PACRG: variants seen among roughly 807,000 people sequenced by gnomAD.
PACRG encodes parkin coregulated gene protein.
A neutral mutation model predicts 29.7 loss-of-function variants in PACRG; 29 were observed. The ratio of observed to expected loss-of-function variants is 0.98; its 90% CI spans 0.73 to 1.33. The LOEUF is 1.33. Ranked by LOEUF, PACRG falls within the 40% of genes most tolerant of loss-of-function variation. PACRG has a pLI of 0.00. For synonymous variants in PACRG, 116 were observed against 118.7 expected, an observed-to-expected ratio of 0.98 and a Z score of 0.15; for missense variants, 279 against 316.2, an observed-to-expected ratio of 0.88 and a Z score of 0.89.
At chr6:163,207,965 G>C (rs1780976321) in intron 4 of PACRG, among the ~76,000 whole-genome samples, 1 of 152,216 alleles carries the variant, frequency 6.6e-6, no homozygotes, top group South Asian at 2.1e-4. Flanking sequence ...AAGGAGTGGG[G>C]ACTTGGGCAG....
intron 4 of PACRG, among the ~76,000 whole-genome samples, chr6:163,298,467 ACAAT>A (rs1784867072): frequency 6.6e-6 from 1 of 152,210 alleles, no homozygotes; most frequent in Admixed American, 6.5e-5. Context: ...ACCTTTCTGA[ACAAT>A]CAATGTGGCA....
chr6:163,175,308 C>T (rs753598503), intron 4 of PACRG, among the ~76,000 whole-genome samples: 1 of 152,132 alleles, frequency 6.6e-6, no homozygotes, highest in Non-Finnish European at 1.5e-5. Context: ...GTGGAGCCAT[C>T]TGTTTGGGAG....
At chr6:163,264,295 C>T (rs2128176610) in intron 4 of PACRG, among the ~76,000 whole-genome samples, 1 of 152,334 alleles carries the variant, frequency 6.6e-6, no homozygotes, top group South Asian at 2.1e-4. Flanking sequence ...TTCCATCTCA[C>T]AGTACACTTT....
chr6:163,069,874 C>T (rs919049108), intron 3 of PACRG, among the ~76,000 whole-genome samples: 17 of 152,092 alleles, frequency 1.1e-4, no homozygotes, highest in Non-Finnish European at 2.4e-4. Flanking sequence ...AATAATTAAA[C>T]TCCCAAAGGT....
At chr6:162,912,531 C>T (rs754713564) in intron 2 of PACRG, among the ~76,000 whole-genome samples, 1 of 151,216 alleles carries the variant, frequency 6.6e-6, no homozygotes, top group African/African-American at 2.4e-5. Context: ...CACTATGATA[C>T]ATTCATGTAA....
intron 3 of PACRG, among the ~76,000 whole-genome samples, chr6:163,075,897 G>A (rs1812491660): frequency 6.6e-6 from 1 of 152,198 alleles, no homozygotes; most frequent in Non-Finnish European, 1.5e-5. Context: ...TTAGCAGCAA[G>A]GTTCTGTTCA....
At chr6:163,071,586 G>T (rs1812055739) in intron 3 of PACRG, among the ~76,000 whole-genome samples, 1 of 147,584 alleles carries the variant, frequency 6.8e-6, no homozygotes, top group African/African-American at 2.5e-5. Context: ...CATCAAAAAA[G>T]AAAAACTTGA....
intron 4 of PACRG, among the ~76,000 whole-genome samples, chr6:163,120,391 T>C (rs1297006483): frequency 6.6e-6 from 1 of 152,158 alleles, no homozygotes; most frequent in Non-Finnish European, 1.5e-5. Flanking sequence ...TACTCTGTCC[T>C]CAGTGTGTGA....
In PACRG at chr6:163,275,967, C is replaced by CT. The variant is rs941349115; in HGVS notation, c.614-38849dup. Among the ~76,000 whole-genome samples, 1,172 of 146,260 alleles carry CT rather than the reference C, an allele frequency of 8.0e-3. 8 individuals are homozygous for CT. The highest frequency in any genetic ancestry group is 0.014 in the South Asian group (66 of 4,556). On this transcript the variant is annotated intron_variant, in intron 4 of 4. Transcript: ENST00000366888. The stretch of plus-strand genomic sequence containing the variant: ...TCCAGGTGATGTGCGAAGAGTATTG[C>CT]TTTTTTTTTTTATTATTCTCTTTCC...
chr6:162,921,953 C>T (rs888502318), intron 2 of PACRG, among the ~76,000 whole-genome samples: 1 of 152,118 alleles, frequency 6.6e-6, no homozygotes, highest in Non-Finnish European at 1.5e-5. Flanking sequence ...GTTTTGATGA[C>T]GTTGAACTGT....
intron 2 of PACRG, among the ~76,000 whole-genome samples, chr6:162,835,760 G>A (rs927398807): frequency 1.3e-5 from 2 of 152,034 alleles, no homozygotes; most frequent in African/African-American, 4.8e-5. Flanking sequence ...TTGAGGAAAT[G>A]AAAATTAGCT....
At chr6:163,034,086 C>A (rs1294971777) in intron 2 of PACRG, among the ~76,000 whole-genome samples, 1 of 151,886 alleles carries the variant, frequency 6.6e-6, no homozygotes, top group Non-Finnish European at 1.5e-5. Context: ...AGAGAAACAG[C>A]GGAAAAGCAT....
At chr6:163,244,301 T>C (rs1158528794) in intron 4 of PACRG, among the ~76,000 whole-genome samples, 2 of 152,306 alleles carry the variant, frequency 1.3e-5, no homozygotes, top group East Asian at 1.9e-4. Context: ...AGCTGATTGA[T>C]GACGTGTTTC....
At chr6:163,264,677 G>C (rs1034874750) in intron 4 of PACRG, among the ~76,000 whole-genome samples, 8 of 152,128 alleles carry the variant, frequency 5.3e-5, no homozygotes, top group African/African-American at 1.9e-4. Flanking sequence ...ACACGGTGAG[G>C]GCAGAGCTTC....
chr6:163,208,579 A>G (rs1382649678), intron 4 of PACRG, among the ~76,000 whole-genome samples: 1 of 152,230 alleles, frequency 6.6e-6, no homozygotes, highest in Non-Finnish European at 1.5e-5. Context: ...AATTTGGCTA[A>G]GCACACGTTT....
intron 2 of PACRG, among the ~76,000 whole-genome samples, chr6:163,021,038 C>T (rs920123129): frequency 6.6e-6 from 1 of 152,186 alleles, no homozygotes; most frequent in Non-Finnish European, 1.5e-5. Flanking sequence ...CCGTCCTGGG[C>T]AGGTGGAGCC....
At chr6:163,311,533 T>C (rs147877791) in intron 4 of PACRG, among the ~76,000 whole-genome samples, 1 of 152,342 alleles carries the variant, frequency 6.6e-6, no homozygotes, top group East Asian at 1.9e-4. Context: ...ACTGTCAATG[T>C]AGCAGGTTTG....
intron 2 of PACRG, among the ~76,000 whole-genome samples, chr6:162,892,286 A>T (rs1028742669): frequency 2.6e-5 from 4 of 152,156 alleles, no homozygotes; most frequent in Admixed American, 2.0e-4. Context: ...TGAGCACTGG[A>T]TCAGTCTCTT....
At chr6:163,132,141 C>A (rs916900645) in intron 4 of PACRG, among the ~76,000 whole-genome samples, 2 of 152,066 alleles carry the variant, frequency 1.3e-5, no homozygotes, top group Non-Finnish European at 2.9e-5. Flanking sequence ...ATCTGTGGAT[C>A]TGAAAATAAG....
Sources: gnomAD v4.1 joint callset for allele counts (sites outside exome capture counted in the v4.1 genomes callset) on GRCh38, gnomAD v4.1.1 for gene constraint, MANE v1.5 for transcripts, NCBI Gene and HGNC (gene_info 2026-07-23, HGNC 2026-07-21) for gene names.